The following EXOC6B variants were observed in gnomAD, a reference collection of about 807,000 sequenced individuals.
The protein encoded by EXOC6B is exocyst complex component 6B.
Under a neutral mutation model 113.5 loss-of-function variants are expected in EXOC6B, and 54 were observed. The observed-to-expected ratio is 0.48, with a 90% CI of 0.38 to 0.60. EXOC6B has a LOEUF of 0.60. Ranked by LOEUF, EXOC6B falls within the 20% of genes least tolerant of loss-of-function variation. The pLI is 0.00. For missense variants in EXOC6B, 797 were observed against 977.5 expected, an observed-to-expected ratio of 0.82 and a Z score of 2.46; for synonymous variants, 357 against 339.0, an observed-to-expected ratio of 1.05 and a Z score of -0.58.
chr2:72,808,144 G>C (rs773387931), intron 1 of EXOC6B, among the ~76,000 whole-genome samples: 1 of 151,890 alleles, frequency 6.6e-6, no homozygotes, highest in Non-Finnish European at 1.5e-5. Context: ...CAACAAAACA[G>C]GAATCCTGGA....
intron 8 of EXOC6B, among the ~76,000 whole-genome samples, chr2:72,530,185 C>T (rs1701929565): frequency 6.6e-6 from 1 of 151,992 alleles, no homozygotes; most frequent in South Asian, 2.1e-4. Context: ...ATTATTTTGC[C>T]TTTCTTTTCC....
intron 20 of EXOC6B, among the ~76,000 whole-genome samples, chr2:72,209,615 A>G (rs1301937309): frequency 6.6e-6 from 1 of 152,194 alleles, no homozygotes; most frequent in Non-Finnish European, 1.5e-5. Context: ...TGAGCATCTC[A>G]TTCTATTAGA....
At chr2:72,565,062 C>T (rs1381535914) in intron 7 of EXOC6B, among the ~76,000 whole-genome samples, 1 of 152,104 alleles carries the variant, frequency 6.6e-6, no homozygotes, top group Non-Finnish European at 1.5e-5. Context: ...TAAAGCTGAA[C>T]ACTGAGGGCC....
chr2:72,432,625 G>A (rs1421865241), intron 18 of EXOC6B, among the ~76,000 whole-genome samples: 3 of 152,058 alleles, frequency 2.0e-5, no homozygotes, highest in African/African-American at 7.2e-5. Context: ...ATTCTAACTG[G>A]CATGAGATAG....
intron 20 of EXOC6B, among the ~76,000 whole-genome samples, chr2:72,325,521 T>C (rs966992582): frequency 2.0e-5 from 3 of 151,938 alleles, no homozygotes; most frequent in African/African-American, 7.2e-5. Context: ...CCCAAAAGGT[T>C]GTCAGAACTG....
At chr2:72,218,769 TCTC>T (rs1277721093) in intron 20 of EXOC6B, among the ~76,000 whole-genome samples, 1 of 152,018 alleles carries the variant, frequency 6.6e-6, no homozygotes, top group Non-Finnish European at 1.5e-5. Flanking sequence ...TTCAAGCAAT[TCTC>T]CTGCCTCAGC....
chr2:72,461,063 A>C (rs1248214802), intron 18 of EXOC6B, among the ~76,000 whole-genome samples: 1 of 151,968 alleles, frequency 6.6e-6, no homozygotes, highest in Admixed American at 6.6e-5. Context: ...TTGTAGGGAC[A>C]CGGATGAAAC....
intron 20 of EXOC6B, among the ~76,000 whole-genome samples, chr2:72,191,560 C>A (rs41403): frequency 0.33 from 49,963 of 151,986 alleles, 9,309 homozygotes; most frequent in African/African-American, 0.49. Context: ...TCTGAGTTAG[C>A]TACTCATCTG....
chr2:72,793,792 G>C lies in EXOC6B; in HGVS notation c.113+32006C>G, dbSNP rs73945624. Among the ~76,000 whole-genome samples the C allele has an allele frequency of 5.0e-3, 760 of 152,258 alleles. 12 individuals carry two copies. The highest frequency in any genetic ancestry group is 0.017 in the African/African-American group (714 of 41,548). On this transcript the variant is annotated intron_variant, in intron 1 of 21. Transcript: ENST00000272427. ...GATGAGCTCCTTTTGCCTCTGAAGAGGTATAGACTTGAAATAGAAGAGGGT... is the reference window on the plus strand; with the variant it reads ...GATGAGCTCCTTTTGCCTCTGAAGACGTATAGACTTGAAATAGAAGAGGGT...
chr2:72,743,558 G>A (rs542327440), intron 1 of EXOC6B, among the ~76,000 whole-genome samples: 1 of 151,886 alleles, frequency 6.6e-6, no homozygotes, highest in South Asian at 2.1e-4. Flanking sequence ...CCTCCTCACC[G>A]TCCATGATAT....
intron 21 of EXOC6B, among the ~76,000 whole-genome samples, chr2:72,180,721 G>A (rs1413080768): frequency 6.6e-6 from 1 of 152,160 alleles, no homozygotes; most frequent in East Asian, 1.9e-4. Flanking sequence ...CACTGTGGGT[G>A]GCCCTTTGCA....
At chr2:72,407,040 C>G (rs981370084) in intron 18 of EXOC6B, among the ~76,000 whole-genome samples, 1 of 152,118 alleles carries the variant, frequency 6.6e-6, no homozygotes, top group Non-Finnish European at 1.5e-5. Flanking sequence ...GATATCACCA[C>G]CGATCCCACA....
chr2:72,569,931 T>C (rs1477707276), intron 7 of EXOC6B, among the ~76,000 whole-genome samples: 1 of 152,124 alleles, frequency 6.6e-6, no homozygotes, highest in African/African-American at 2.4e-5. Context: ...GAAAAAAGCT[T>C]GTACATTCTA....
At chr2:72,180,879 T>C (rs763747025) in intron 21 of EXOC6B, among the ~76,000 whole-genome samples, 14 of 152,212 alleles carry the variant, frequency 9.2e-5, no homozygotes, top group Non-Finnish European at 1.8e-4. Context: ...ACCACAGCTG[T>C]ATGGCTCTGG....
Position 72,432,185 on chromosome 2 carries a change from C to CA in EXOC6B, c.1980+32974dup, listed in dbSNP as rs1451039526. Among the ~76,000 whole-genome samples the CA allele has an allele frequency of 7.9e-5, 12 of 152,056 alleles. No individual in the cohort carries two copies. The South Asian group carries it at 8.3e-4, about 10-fold the overall frequency. ...CCAAGTAGCTGGGACTACAGGCACA[C>CA]ACCACCATATCTGGCTAATTTTTTG... On this transcript the variant is annotated intron_variant, in intron 18 of 21. Coordinates refer to ENST00000272427, the MANE Select transcript of EXOC6B (RefSeq NM_015189.3).
chr2:72,281,807 C>A (rs1474218626), intron 20 of EXOC6B, among the ~76,000 whole-genome samples: 1 of 152,148 alleles, frequency 6.6e-6, no homozygotes, highest in Admixed American at 6.5e-5. Context: ...TAGAGTAAAA[C>A]TGCCAAAAAC....
intron 6 of EXOC6B, among the ~76,000 whole-genome samples, chr2:72,635,045 A>G (rs1672727816): frequency 6.6e-6 from 1 of 152,148 alleles, no homozygotes; most frequent in Non-Finnish European, 1.5e-5. Flanking sequence ...CCAAACCAAA[A>G]TTAGTAGGAT....
At chr2:72,489,493 T>C (rs1162634295) in intron 16 of EXOC6B, among the ~76,000 whole-genome samples, 1 of 152,230 alleles carries the variant, frequency 6.6e-6, no homozygotes, top group Non-Finnish European at 1.5e-5. Flanking sequence ...CTCTTAATAA[T>C]AACAGGTAAT....
chr2:72,344,045 C>T (rs1005811303), intron 19 of EXOC6B, among the ~76,000 whole-genome samples: 18 of 152,286 alleles, frequency 1.2e-4, no homozygotes, highest in African/African-American at 3.8e-4. Flanking sequence ...CTCTCCTCCT[C>T]GGGGACTTCC....
Sources: allele counts gnomAD v4.1 joint callset (sites outside exome capture counted in the v4.1 genomes callset), GRCh38; gene constraint gnomAD v4.1.1; transcripts MANE v1.5; gene names NCBI Gene and HGNC (gene_info 2026-07-23, HGNC 2026-07-21).